Variants in PHLPP1 observed in about 807,000 individuals in gnomAD.
PHLPP1 encodes PH domain leucine-rich repeat-containing protein phosphatase 1.
In PHLPP1, 42 loss-of-function variants were observed where a neutral mutation model predicts 117.2. The ratio of observed to expected loss-of-function variants is 0.36; its 90% confidence interval spans 0.28 to 0.46. The LOEUF is 0.46. PHLPP1 is among the 20% of genes least tolerant of loss of function. The pLI is 1.00. For synonymous variants in PHLPP1, 1,042 were observed against 970.7 expected, an observed-to-expected ratio of 1.07 and a Z score of -1.37; for missense variants, 2,084 against 2,241.9, an observed-to-expected ratio of 0.93 and a Z score of 1.42.
At chr18:62,882,845 C>T (rs1242022244) in intron 4 of PHLPP1, among the ~76,000 whole-genome samples, 2 of 150,792 alleles carry the variant, frequency 1.3e-5, no homozygotes, top group Admixed American at 6.6e-5. Flanking sequence ...TCTTTTTGTT[C>T]TCCCTTCCCC....
chr18:62,895,289 G>C, intron 5 of PHLPP1, 132 bp downstream of exon 5: 1 of 825,258 alleles, frequency 1.2e-6, no homozygotes, highest in South Asian at 1.8e-5. Context: ...AAGAGATCAG[G>C]GACTATGTAG....
chr18:62,822,487 T>A (rs1914495768), intron 1 of PHLPP1, among the ~76,000 whole-genome samples: 2 of 151,852 alleles, frequency 1.3e-5, no homozygotes, highest in Non-Finnish European at 2.9e-5. Flanking sequence ...GGTTTCACCG[T>A]GTTAGCCAGG....
At chr18:62,896,530 C>T (rs1316202440) in intron 6 of PHLPP1, among the ~76,000 whole-genome samples, 2 of 151,980 alleles carry the variant, frequency 1.3e-5, no homozygotes, top group Non-Finnish European at 2.9e-5. Context: ...CTCCTGACCT[C>T]GTGATCCACC....
chr18:62,720,797 C>T (rs548406308), intron 1 of PHLPP1, among the ~76,000 whole-genome samples: 1 of 152,032 alleles, frequency 6.6e-6, no homozygotes, highest in African/African-American at 2.4e-5. Context: ...ACTACTATGG[C>T]GTGATAACAT....
chr18:62,919,223 G>T (rs767748393), intron 9 of PHLPP1, among the ~76,000 whole-genome samples: 7 of 152,172 alleles, frequency 4.6e-5, no homozygotes, highest in Non-Finnish European at 8.8e-5. Context: ...GGAGAAGTCT[G>T]AAGTGGTCAT....
At chr18:62,782,181 A>T (rs953176436) in intron 1 of PHLPP1, among the ~76,000 whole-genome samples, 4 of 152,174 alleles carry the variant, frequency 2.6e-5, no homozygotes, top group African/African-American at 9.7e-5. Flanking sequence ...CACTTTACTG[A>T]TGCTCCTCTT....
intron 3 of PHLPP1, among the ~76,000 whole-genome samples, chr18:62,843,528 G>C (rs1915104431): frequency 6.6e-6 from 1 of 152,138 alleles, no homozygotes; most frequent in African/African-American, 2.4e-5. Flanking sequence ...TTAAACTTTA[G>C]CACTTAATAT....
chr18:62,835,475 G>A (rs924667805), intron 2 of PHLPP1, among the ~76,000 whole-genome samples: 1 of 152,032 alleles, frequency 6.6e-6, no homozygotes, highest in African/African-American at 2.4e-5. Flanking sequence ...TGGGATTACA[G>A]GTGTGAGCCA....
chr18:62,942,821 A>G (rs530359530), intron 11 of PHLPP1, among the ~76,000 whole-genome samples: 45 of 152,274 alleles, frequency 3.0e-4, no homozygotes, highest in African/African-American at 1.0e-3. Context: ...TGCTGCCTTC[A>G]GGGCTACCAG....
At chr18:62,854,620 G>T (rs1160923719) in intron 3 of PHLPP1, among the ~76,000 whole-genome samples, 1 of 151,530 alleles carries the variant, frequency 6.6e-6, no homozygotes, top group Non-Finnish European at 1.5e-5. Context: ...CCTCCCTTCT[G>T]ATGAGATCCA....
intron 1 of PHLPP1, among the ~76,000 whole-genome samples, chr18:62,783,328 C>T (rs188911939): frequency 1.1e-4 from 17 of 150,862 alleles, no homozygotes; most frequent in Admixed American, 7.9e-4. Context: ...CCTGGGTTCA[C>T]GCCATTCACC....
intron 4 of PHLPP1, among the ~76,000 whole-genome samples, chr18:62,890,335 C>T (rs1180560665): frequency 2.0e-5 from 3 of 151,888 alleles, no homozygotes; most frequent in Admixed American, 6.6e-5. Flanking sequence ...GGCATGATCT[C>T]GGCTCACTGT....
intron 9 of PHLPP1, among the ~76,000 whole-genome samples, 172 bp downstream of exon 9, chr18:62,915,180 G>T (rs531666913): frequency 2.6e-5 from 4 of 152,310 alleles, no homozygotes; most frequent in Admixed American, 2.6e-4. Context: ...TTCATGCAGT[G>T]CAGTGAGGAG....
chr18:62,857,702 C>T (rs1220589190), intron 3 of PHLPP1, among the ~76,000 whole-genome samples: 2 of 152,200 alleles, frequency 1.3e-5, no homozygotes, highest in East Asian at 1.9e-4. Context: ...TTTCTGACCC[C>T]TGGGATTCTG....
chr18:62,767,673 A>G lies in PHLPP1; in HGVS notation c.1576+50414A>G, dbSNP rs145561367. Among the ~76,000 whole-genome samples, 704 of 152,318 alleles carry G rather than the reference A, an allele frequency of 4.6e-3. 33 individuals carry two copies. The highest frequency in any genetic ancestry group is 0.043 in the Admixed American group (653 of 15,292). On this transcript the variant is annotated intron_variant, in intron 1 of 16. Transcript: ENST00000262719. ...CAAGAATTGATCTGTCTCTGAAAAT[A>G]TTTATATTTGATTGCATTTCTAAAT...
intron 1 of PHLPP1, among the ~76,000 whole-genome samples, chr18:62,720,699 G>T (rs1910889171): frequency 6.6e-6 from 1 of 151,654 alleles, no homozygotes; most frequent in Non-Finnish European, 1.5e-5. Context: ...TCAGTACAGA[G>T]GCTTTAAATT....
At position 62,716,046 on chromosome 18, in the gene PHLPP1, G is replaced by A. The variant is rs1568091127; in HGVS notation, c.363G>A (p.Leu121=). 6.8e-7 allele frequency: 1 copy of A among 1,465,146 alleles called. No individual in the cohort carries two copies. The highest frequency in any genetic ancestry group is 1.5e-5 in the African/African-American group (1 of 67,444). The allele number at this position is 1,465,146 out of a possible 1,614,324, so 90.8% of individuals were successfully genotyped here. A position where few individuals can be genotyped will look rare whatever the true frequency, so the allele number is the denominator to read the frequency against. The change falls in exon 1 of 17, where the codon CTG becomes CTA. Residue 121 remains leucine (L), a synonymous_variant. Transcript: ENST00000262719. The surrounding 1 kb of genome is among the most constrained non-coding windows in gnomAD (Gnocchi z 5.7). ...GAGGGANSLL[L]RRGRLKRNLS... is the part of the protein sequence containing the mutation. ...GCGGCGGCGCCAACTCCCTCCTGCT[G>A]AGGAGAGGGCGGCTGAAGAGGAATC...
chr18:62,975,274 C>T (rs1599149454), intron 15 of PHLPP1, 123 bp from the exon 16 acceptor site: 7 of 670,240 alleles, frequency 1.0e-5, no homozygotes, highest in Admixed American at 2.4e-5. Flanking sequence ...ATGAAGGAGG[C>T]GGAGTGGAAT....
intron 3 of PHLPP1, chr18:62,839,117 T>G: frequency 1.9e-6 from 1 of 523,470 alleles, no homozygotes; most frequent in Non-Finnish European, 3.4e-6. Context: ...CTTGCCCAGT[T>G]TATACTTAAA....
Sources: gnomAD v4.1 joint callset for allele counts (sites outside exome capture counted in the v4.1 genomes callset) on GRCh38, gnomAD v4.1.1 for gene constraint, Gnocchi (gnomAD v3.1) non-coding constraint, MANE v1.5 for transcripts, NCBI Gene and HGNC (gene_info 2026-07-23, HGNC 2026-07-21) for gene names.